The following SCCPDH variants were observed in gnomAD, a reference collection of about 807,000 sequenced individuals.
SCCPDH encodes the protein saccharopine dehydrogenase-like oxidoreductase.
A neutral mutation model predicts 51.5 loss-of-function variants in SCCPDH; 34 were observed. The observed-to-expected ratio is 0.66, with a 90% CI of 0.50 to 0.88. SCCPDH has a LOEUF of 0.88. Ranked by LOEUF, SCCPDH falls within the 40% of genes least tolerant of loss-of-function variation. The pLI, the probability that SCCPDH is intolerant of heterozygous loss-of-function variation, is 0.00. For synonymous variants in SCCPDH, 187 were observed against 191.3 expected (o/e 0.98, Z 0.19); for missense variants, 464 against 527.1 (o/e 0.88, Z 1.17).
rs1402485312 is a variant in SCCPDH, at chr1:246,730,382, C to T, written c.303+3378C>T. The stretch of plus-strand genomic sequence containing the variant: ...ACCCTGGAAGTCCTCGTCTCCTCCA[C>T]TGCGTCTTTGTCCTCCCCACTCTAA... On this transcript the variant is annotated intron_variant, in intron 2 of 11. Transcript: ENST00000366510. 4.6e-5 allele frequency among the ~76,000 whole-genome samples: 7 copies of T among 152,340 alleles called. No homozygotes were observed. The East Asian group carries it at 1.2e-3, about 25-fold the overall frequency.
intron 5 of SCCPDH, among the ~76,000 whole-genome samples, chr1:246,747,706 G>GCA (rs55950296): frequency 0.98 from 149,800 of 152,204 alleles, 73,761 homozygotes; most frequent in East Asian, 1. Flanking sequence ...GGGTTGGACT[G>GCA]CAGTCTAAGC....
chr1:246,724,501 G>A lies in SCCPDH; in HGVS notation c.79G>A (p.Val27Met), dbSNP rs1668356720. ...GFTGQFVTEE[V>M]AREQVDPERS... ...CACCGGCCAGTTCGTGACCGAGGAGGTGGCCCGGGAGCAGGTGGACCCGGA... is the reference window on the plus strand; with the variant it reads ...CACCGGCCAGTTCGTGACCGAGGAGATGGCCCGGGAGCAGGTGGACCCGGA... The change falls in exon 1 of 12, where the codon GTG becomes ATG. Residue 27 changes from valine to methionine, a missense_variant. Transcript: ENST00000366510. 1.3e-6 allele frequency: 2 copies of A among 1,578,038 alleles called. No homozygotes were observed. The highest frequency in any genetic ancestry group is 1.2e-5 in the South Asian group (1 of 86,436).
At chr1:246,749,429 G>A (rs1045640221) in intron 5 of SCCPDH, among the ~76,000 whole-genome samples, 17 of 152,062 alleles carry the variant, frequency 1.1e-4, no homozygotes, top group African/African-American at 3.4e-4. Context: ...GAGGGAGAAG[G>A]GGGTGCAGGA....
At chr1:246,758,497 GAT>G (rs1668964069) in intron 6 of SCCPDH, 141 bp downstream of exon 6, 2 of 542,228 alleles carry the variant, frequency 3.7e-6, no homozygotes, top group Non-Finnish European at 6.2e-6. Flanking sequence ...AGATAAATAA[GAT>G]ATAATTAATC....
intron 9 of SCCPDH, among the ~76,000 whole-genome samples, chr1:246,763,522 G>A (rs1209084587): frequency 6.6e-6 from 1 of 152,042 alleles, no homozygotes; most frequent in Non-Finnish European, 1.5e-5. Flanking sequence ...AAATGTGTTT[G>A]TGTGTGTGTA....
intron 5 of SCCPDH, among the ~76,000 whole-genome samples, chr1:246,754,732 A>G (rs1572304075): frequency 6.6e-6 from 1 of 152,310 alleles, no homozygotes; most frequent in African/African-American, 2.4e-5. Flanking sequence ...TTGTTGGCAT[A>G]CACTTTTCAT....
intron 2 of SCCPDH, among the ~76,000 whole-genome samples, chr1:246,727,454 T>C (rs1248427842): frequency 1.3e-5 from 2 of 152,226 alleles, no homozygotes; most frequent in Admixed American, 1.3e-4. Context: ...TGAAATGCAC[T>C]ATTGTAGGCA....
At chr1:246,746,921 T>C (rs1408319838) in intron 5 of SCCPDH, among the ~76,000 whole-genome samples, 1 of 152,138 alleles carries the variant, frequency 6.6e-6, no homozygotes, top group African/African-American at 2.4e-5. Flanking sequence ...CTTTGAAAAG[T>C]GAATAGCATT....
In SCCPDH at chr1:246,724,422, C is replaced by G. The variant is rs1266631322; in HGVS notation, c.-1C>G. 6.4e-6 allele frequency: 10 copies of G among 1,568,350 alleles called. No individual in the cohort carries two copies. The highest frequency in any genetic ancestry group is 4.0e-4 in the Middle Eastern group (2 of 5,030). On this transcript the variant is annotated 5_prime_UTR_variant, in exon 1 of 12. Coordinates refer to ENST00000366510, the MANE Select transcript of SCCPDH (RefSeq NM_016002.3). ...GGGCCTGGGCTCGCTGTGGACTCGT[C>G]ATGGCGACCGAGCAGAGGCCTTTCC...
chr1:246,739,040 CA>C (rs1032545602), intron 3 of SCCPDH, among the ~76,000 whole-genome samples: 7 of 151,796 alleles, frequency 4.6e-5, no homozygotes, highest in Non-Finnish European at 8.8e-5. Context: ...TGTGCATGAG[CA>C]AGTGTGTGTG....
At chr1:246,753,082 A>T (rs1668878979) in intron 5 of SCCPDH, among the ~76,000 whole-genome samples, 92 of 126,988 alleles carry the variant, frequency 7.2e-4, no homozygotes, top group Admixed American at 1.5e-3. Context: ...TCTCTCCTTG[A>T]CTCCTTCTGT....
chr1:246,725,786 TATC>T (rs1303544685), intron 1 of SCCPDH, among the ~76,000 whole-genome samples: 3 of 152,236 alleles, frequency 2.0e-5, no homozygotes, highest in African/African-American at 4.8e-5. Flanking sequence ...CCTAGTCACT[TATC>T]ATATATAATG....
intron 4 of SCCPDH, among the ~76,000 whole-genome samples, chr1:246,741,578 G>A (rs374048859): frequency 7.2e-5 from 11 of 152,122 alleles, no homozygotes; most frequent in Non-Finnish European, 1.6e-4. Context: ...GATTACAGAC[G>A]TGAGCCACCA....
At chr1:246,761,433 T>C (rs1669011849) in intron 9 of SCCPDH, among the ~76,000 whole-genome samples, 1 of 152,222 alleles carries the variant, frequency 6.6e-6, no homozygotes, top group Non-Finnish European at 1.5e-5. Flanking sequence ...ATCTTAACCA[T>C]TTAAAAATGC....
chr1:246,724,579 C>T lies in SCCPDH; in HGVS notation c.157C>T (p.Gln53Ter). The T allele has an allele frequency of 6.6e-7, 1 of 1,524,358 alleles. No individual in the cohort carries two copies. The highest frequency in any genetic ancestry group is 8.8e-7 in the Non-Finnish European group (1 of 1,138,656). The allele number at this position is 1,524,358 out of a possible 1,614,324, so 94.4% of individuals were successfully genotyped here. ...AVAGRSREKLQRVLEKAALKL... is the reference protein window; with the variant it reads ...AVAGRSREKL ...GGCGGGCCGCTCCCGGGAGAAGCTG[C>T]AGCGGGTGCTGGAGAAGGCGGCCCT... Residue 53 changes from glutamine (Q) to a stop codon, truncating the protein, a stop_gained, in exon 1 of 12, where the codon CAG (glutamine) becomes TAG (stop). Transcript: ENST00000366510. LOFTEE classifies it high-confidence loss of function.
chr1:246,744,621 ATT>A (rs1668731695), intron 5 of SCCPDH, among the ~76,000 whole-genome samples: 1 of 146,900 alleles, frequency 6.8e-6, no homozygotes, highest in African/African-American at 2.5e-5. Context: ...ATGCCTGGCT[ATT>A]TTATTTTTTT....
At chr1:246,735,905 A>G in intron 2 of SCCPDH, 70 bp from the exon 3 acceptor site, 4 of 969,662 alleles carry the variant, frequency 4.1e-6, no homozygotes, top group Non-Finnish European at 4.9e-6. Context: ...TACTTCCAGG[A>G]TTAGATGGCA....
intron 1 of SCCPDH, among the ~76,000 whole-genome samples, chr1:246,726,162 G>C (rs78176336): frequency 1.3e-5 from 2 of 152,102 alleles, no homozygotes; most frequent in Non-Finnish European, 2.9e-5. Context: ...CAGCCCTGAT[G>C]GTTTTGATGT....
chr1:246,754,993 C>A (rs1411369102), intron 5 of SCCPDH, among the ~76,000 whole-genome samples: 1 of 152,048 alleles, frequency 6.6e-6, no homozygotes, highest in Admixed American at 6.5e-5. Context: ...AGCTGTATTT[C>A]TGTATGCCAG....
Sources: allele counts gnomAD v4.1 joint callset (sites outside exome capture counted in the v4.1 genomes callset), GRCh38; gene constraint gnomAD v4.1.1; transcripts MANE v1.5; gene names NCBI Gene and HGNC (gene_info 2026-07-23, HGNC 2026-07-21).